ARFIP1: variants seen among roughly 807,000 people sequenced by gnomAD.
ARFIP1 encodes ARF interacting protein 1.
In ARFIP1, 24 loss-of-function variants were observed where a neutral mutation model predicts 42.5. The observed-to-expected ratio is 0.57, with a 90% CI of 0.41 to 0.80. The LOEUF (loss-of-function observed/expected upper bound fraction) is 0.80, where lower values mean the gene tolerates loss of function less well. ARFIP1 is among the 30% of genes least tolerant of loss of function. The pLI, the probability that ARFIP1 is intolerant of heterozygous loss-of-function variation, is 0.00. For synonymous variants in ARFIP1, 141 were observed against 153.7 expected (o/e 0.92, Z 0.61); for missense variants, 354 against 434.0 (o/e 0.82, Z 1.64).
chr4:152,909,993 G>A lies in ARFIP1; in HGVS notation c.967-71G>A, dbSNP rs538400840. 24 of 1,520,102 alleles carry A rather than the reference G, an allele frequency of 1.6e-5. No homozygotes were observed. The Admixed American group carries it at 4.6e-4, about 29-fold the overall frequency. The allele number at this position is 1,520,102 out of a possible 1,614,324, so 94.2% of individuals were successfully genotyped here. ...GAGATACACTATTTAATTAAGGAAT[G>A]TAATAAATCACTCTCTATTTTATTG... On this transcript the variant is annotated intron_variant, in intron 8 of 8. Coordinates refer to ENST00000353617, the MANE Select transcript of ARFIP1 (RefSeq NM_001025595.3).
At chr4:152,814,237 C>T (rs372529957) in intron 1 of ARFIP1, among the ~76,000 whole-genome samples, 9 of 151,950 alleles carry the variant, frequency 5.9e-5, no homozygotes, top group East Asian at 3.9e-4. Context: ...ACCACAGGTG[C>T]GCACCACCAT....
intron 6 of ARFIP1, 131 bp downstream of exon 6, chr4:152,881,315 T>C (rs1320635487): frequency 1.1e-5 from 8 of 718,676 alleles, no homozygotes; most frequent in African/African-American, 1.8e-5. Flanking sequence ...TTTAAGATAT[T>C]TCATATCACT....
intron 8 of ARFIP1, among the ~76,000 whole-genome samples, chr4:152,900,824 T>C (rs571477488): frequency 1.9e-4 from 29 of 152,338 alleles, no homozygotes; most frequent in Admixed American, 1.2e-3. Flanking sequence ...TACCAAAATA[T>C]GATTTTTACA....
At chr4:152,894,796 G>T (rs1579029026) in intron 8 of ARFIP1, among the ~76,000 whole-genome samples, 1 of 152,102 alleles carries the variant, frequency 6.6e-6, no homozygotes, top group Non-Finnish European at 1.5e-5. Context: ...CTTAATTTTG[G>T]CTGTGACTGG....
At chr4:152,838,266 G>C (rs1217179115) in intron 2 of ARFIP1, among the ~76,000 whole-genome samples, 1 of 152,038 alleles carries the variant, frequency 6.6e-6, no homozygotes, top group Non-Finnish European at 1.5e-5. Flanking sequence ...GCTCTTTTTT[G>C]GTTCCATATG....
chr4:152,795,332 T>TTATA (rs2149818607), intron 1 of ARFIP1, among the ~76,000 whole-genome samples: 1 of 152,308 alleles, frequency 6.6e-6, no homozygotes, highest in South Asian at 2.1e-4. Flanking sequence ...TCACTTCATA[T>TTATA]TATAGAGATT....
At chr4:152,808,939 C>T (rs527258089) in intron 1 of ARFIP1, among the ~76,000 whole-genome samples, 1 of 152,266 alleles carries the variant, frequency 6.6e-6, no homozygotes, top group South Asian at 2.1e-4. Flanking sequence ...GTAATCCCAG[C>T]TCCTCAGGAG....
chr4:152,890,857 A>G (rs543403258), intron 8 of ARFIP1, among the ~76,000 whole-genome samples: 37 of 152,312 alleles, frequency 2.4e-4, no homozygotes, highest in South Asian at 1.7e-3. Context: ...ATAAAAATAG[A>G]AAATTGCTTC....
intron 1 of ARFIP1, among the ~76,000 whole-genome samples, chr4:152,794,242 A>G (rs951996107): frequency 2.6e-5 from 4 of 152,198 alleles, no homozygotes; most frequent in African/African-American, 9.7e-5. Context: ...AGGGTCCTAT[A>G]TAGGAACTCA....
At chr4:152,824,140 C>G (rs1186361353) in intron 1 of ARFIP1, among the ~76,000 whole-genome samples, 7 of 151,826 alleles carry the variant, frequency 4.6e-5, no homozygotes, top group Non-Finnish European at 7.4e-5. Flanking sequence ...TGGTGAAACC[C>G]CCTCTCTACT....
intron 8 of ARFIP1, among the ~76,000 whole-genome samples, chr4:152,892,785 G>A (rs1021397792): frequency 4.6e-5 from 7 of 152,058 alleles, no homozygotes; most frequent in African/African-American, 1.2e-4. Flanking sequence ...TCTTCACCCC[G>A]TGATTTAGTT....
intron 7 of ARFIP1, among the ~76,000 whole-genome samples, chr4:152,883,634 A>G (rs573029989): frequency 6.6e-6 from 1 of 151,616 alleles, no homozygotes; most frequent in South Asian, 2.1e-4. Context: ...ATATATATGT[A>G]TATATACAGT....
intron 2 of ARFIP1, among the ~76,000 whole-genome samples, chr4:152,839,119 C>G (rs566627833): frequency 1.5e-4 from 23 of 152,148 alleles, no homozygotes; most frequent in Admixed American, 3.9e-4. Flanking sequence ...CCCTGCATCT[C>G]TGGTATGAAA....
At chr4:152,885,330 T>C (rs1736174287) in intron 7 of ARFIP1, among the ~76,000 whole-genome samples, 1 of 152,066 alleles carries the variant, frequency 6.6e-6, no homozygotes, top group Non-Finnish European at 1.5e-5. Context: ...TGTGTACAAG[T>C]ATTTCCTAGC....
chr4:152,830,665 G>A (rs1731183585), intron 2 of ARFIP1, among the ~76,000 whole-genome samples: 2 of 152,020 alleles, frequency 1.3e-5, no homozygotes, highest in Admixed American at 1.3e-4. Context: ...TGACATTTTG[G>A]GCCAAATTGT....
intron 1 of ARFIP1, among the ~76,000 whole-genome samples, chr4:152,828,673 T>G (rs940143196): frequency 1.3e-5 from 2 of 152,232 alleles, no homozygotes; most frequent in African/African-American, 4.8e-5. Flanking sequence ...GTCCGTGGCT[T>G]GTCTTCTCAG....
intron 1 of ARFIP1, among the ~76,000 whole-genome samples, chr4:152,799,133 A>G (rs552738712): frequency 1.3e-5 from 2 of 152,284 alleles, no homozygotes; most frequent in Non-Finnish European, 2.9e-5. Context: ...ATTTTTACTT[A>G]TTGCAGTGTG....
chr4:152,861,446 G>T (rs552731444), intron 2 of ARFIP1, among the ~76,000 whole-genome samples: 1 of 152,108 alleles, frequency 6.6e-6, no homozygotes, highest in African/African-American at 2.4e-5. Flanking sequence ...ATTGAAAACA[G>T]TGAAAAACTT....
At chr4:152,851,084 C>A (rs1189376662) in intron 2 of ARFIP1, among the ~76,000 whole-genome samples, 2 of 152,098 alleles carry the variant, frequency 1.3e-5, no homozygotes, top group Admixed American at 6.5e-5. Context: ...AAGGTTTTGT[C>A]CCTTTTGAAG....
Sources: gnomAD v4.1 joint callset for allele counts (sites outside exome capture counted in the v4.1 genomes callset) on GRCh38, gnomAD v4.1.1 for gene constraint, MANE v1.5 for transcripts, NCBI Gene and HGNC (gene_info 2026-07-23, HGNC 2026-07-21) for gene names.